CACNA1G: variants seen among roughly 807,000 people sequenced by gnomAD.
CACNA1G encodes the protein calcium voltage-gated channel subunit alpha1 G.
In CACNA1G, 67 loss-of-function variants were observed where a neutral mutation model predicts 219.4. That is an observed-to-expected ratio of 0.31 (90% CI 0.25 to 0.37). CACNA1G has a LOEUF of 0.37. Among genes scored for constraint, CACNA1G ranks in the 10% least tolerant of loss-of-function variants. CACNA1G has a pLI of 1.00. For synonymous variants in CACNA1G, 1,296 were observed against 1,345.3 expected, an observed-to-expected ratio of 0.96 and a Z score of 0.80; for missense variants, 2,380 against 3,231.4, an observed-to-expected ratio of 0.74 and a Z score of 6.39.
At chr17:50,572,522 G>C (rs374428292) in intron 5 of CACNA1G, 32 bp from the exon 6 acceptor site, 1 of 1,498,954 alleles carries the variant, frequency 6.7e-7, no homozygotes, top group Non-Finnish European at 8.9e-7. Flanking sequence ...CCACTCCCCA[G>C]TCTCACCCCT....
In CACNA1G at chr17:50,623,971, GC is replaced by G; in HGVS notation, c.6127del (p.Arg2043GlufsTer94). On this transcript the variant is annotated frameshift_variant, in exon 36 of 38. Transcript: ENST00000359106. LOFTEE classifies it high-confidence loss of function. ...DLLTVRKSGV[S>X]RTHSLPNDSY... ...CTGACTGTGCGGAAGTCTGGGGTCA[GC>G]CGAACGCACTCTCTGCCCAATGACA... 6.2e-7 allele frequency: 1 copy of G among 1,613,358 alleles called. No individual in the cohort carries two copies. Among genetic ancestry groups the G allele is most frequent in the Non-Finnish European group, 8.5e-7 (1 of 1,179,862 alleles).
intron 7 of CACNA1G, 173 bp downstream of exon 7, chr17:50,573,286 A>G (rs984006622): frequency 4.2e-5 from 25 of 600,624 alleles, no homozygotes; most frequent in Admixed American, 1.0e-4. Context: ...GTCAGGAGGA[A>G]ATCCAAGGTC....
At chr17:50,572,940 G>A (rs990142002) in intron 6 of CACNA1G, 81 bp from the exon 7 acceptor site, 6 of 1,572,328 alleles carry the variant, frequency 3.8e-6, no homozygotes. Context: ...CTCAGGGTTG[G>A]GGTGGGGGTC....
intron 1 of CACNA1G, among the ~76,000 whole-genome samples, chr17:50,564,333 C>T (rs755946590): frequency 4.0e-5 from 6 of 151,872 alleles, no homozygotes; most frequent in Non-Finnish European, 5.9e-5. Flanking sequence ...GGAGTTCCTC[C>T]GCATTCCCTC....
At position 50,592,062 on chromosome 17, in the gene CACNA1G, C is replaced by T. The variant is rs1375765527; in HGVS notation, c.2880C>T (p.Val960=). The T allele has an allele frequency of 1.9e-6, 3 of 1,613,844 alleles. No homozygotes were observed. The highest frequency in any genetic ancestry group is 1.1e-5 in the South Asian group (1 of 91,046). The change falls in exon 13 of 38, where the codon GTC becomes GTT. Residue 960 remains valine, a synonymous_variant. Coordinates refer to ENST00000359106, the MANE Select transcript of CACNA1G (RefSeq NM_018896.5). ...ACTACGTGCTCTTCAATTTGCTGGT[C>T]GCCATTCTGGTGGAGGGCTTCCAGG... ...FGNYVLFNLL[V]AILVEGFQAE...
In CACNA1G at chr17:50,567,025, G is replaced by A. The variant is rs566094192; in HGVS notation, c.243-1845G>A. ...GAGGAGAGGAGGGGACCTGCATGGG[G>A]AAAGCAGACCAGTTCTTGAGGGTAA... On this transcript the variant is annotated intron_variant, in intron 1 of 37. Coordinates refer to ENST00000359106, the MANE Select transcript of CACNA1G (RefSeq NM_018896.5). 3.9e-5 allele frequency among the ~76,000 whole-genome samples: 6 copies of A among 152,330 alleles called. No individual in the cohort carries two copies. The South Asian group carries it at 1.2e-3, about 32-fold the overall frequency.
rs1415043458 is a variant in CACNA1G, at chr17:50,561,382, G to C, written c.-78G>C. Reference sequence around the variant, plus strand: ...CAGATGTGCCCCCGCCGGGGCCCCCGGGTTGCGTGAGGACACCTCCTCTGA... The same window carrying C: ...CAGATGTGCCCCCGCCGGGGCCCCCCGGTTGCGTGAGGACACCTCCTCTGA... On this transcript the variant is annotated 5_prime_UTR_variant, in exon 1 of 38. Coordinates refer to ENST00000359106, the MANE Select transcript of CACNA1G (RefSeq NM_018896.5). The C allele has an allele frequency of 7.9e-6, 12 of 1,526,752 alleles. No individual in the cohort carries two copies. In the East Asian group the frequency reaches 2.7e-4, roughly 34 times the overall value. The allele number at this position is 1,526,752 out of a possible 1,614,324, so 94.6% of individuals were successfully genotyped here.
chr17:50,624,515 C>T lies in CACNA1G; in HGVS notation c.6385C>T (p.Pro2129Ser). 6.3e-7 allele frequency: 1 copy of T among 1,592,942 alleles called. No homozygotes were observed. The highest frequency in any genetic ancestry group is 8.5e-7 in the Non-Finnish European group (1 of 1,169,890). ...AGGACGCTCCCCTTTGGCTCAGAGG[C>T]CACTCAGGCGCCAGGTGAGCAGATG... The part of the protein sequence containing the change: ...PPGRSPLAQR[P>S]LRRQAAIRTD... Residue 2129 changes from proline to serine, a missense_variant, in exon 37 of 38, where the codon CCA becomes TCA. Physicochemically the swap from Pro to Ser is moderately conservative, Grantham distance 74. Coordinates refer to ENST00000359106, the MANE Select transcript of CACNA1G (RefSeq NM_018896.5).
chr17:50,580,266 T>G (rs1221172501), intron 9 of CACNA1G, among the ~76,000 whole-genome samples: 1 of 152,098 alleles, frequency 6.6e-6, no homozygotes, highest in East Asian at 1.9e-4. Context: ...TTGGTGGCAG[T>G]GGGGGGTGGG....
chr17:50,594,913 C>A, intron 13 of CACNA1G, 80 bp from the exon 14 acceptor site: 1 of 1,077,610 alleles, frequency 9.3e-7, no homozygotes, highest in Non-Finnish European at 1.4e-6. Context: ...TTTCTTCATC[C>A]TCTCTCGACA....
Position 50,591,796 on chromosome 17 carries a change from C to A in CACNA1G, c.2697C>A (p.Thr899=). The change falls in exon 12 of 38, where the codon ACC becomes ACA. Residue 899 remains threonine, a synonymous_variant. Transcript: ENST00000359106. ...CKFASERDGD[T]LPDRKNFDSL... ...TTGCCTCTGAGCGGGATGGGGACAC[C>A]CTGCCAGACCGGAAGAATTTTGACT... 6.2e-7 allele frequency: 1 copy of A among 1,613,924 alleles called. No individual in the cohort carries two copies. Among genetic ancestry groups the A allele is most frequent in the African/African-American group, 1.3e-5 (1 of 75,022 alleles).
At chr17:50,576,551 A>G (rs193148103) in intron 8 of CACNA1G, among the ~76,000 whole-genome samples, 9 of 152,360 alleles carry the variant, frequency 5.9e-5, no homozygotes, top group Non-Finnish European at 1.2e-4. Flanking sequence ...AGTAACTATC[A>G]TGTAATAAGC....
rs553523403 is a variant in CACNA1G at position 50,626,975 on chromosome 17, G to A, written c.*224G>A. ...CAGGCAGAAGGAGAGGCCCGGTGCA[G>A]CTGAGGTTCCCGACACCAGAAGCTG... is the stretch of plus-strand genomic sequence containing the variant. On this transcript the variant is annotated 3_prime_UTR_variant, in exon 38 of 38. Coordinates refer to ENST00000359106, the MANE Select transcript of CACNA1G (RefSeq NM_018896.5). This position sits in a 1 kb window ranked among gnomAD's most constrained non-coding sequence, Gnocchi z 4.3. The A allele has an allele frequency of 2.9e-6, 2 of 694,144 alleles. No homozygotes were observed. The highest frequency in any genetic ancestry group is 3.0e-5 in the South Asian group (2 of 67,310). 43.0% of individuals were successfully genotyped at this position (694,144 alleles called of 1,614,324 possible).
Position 50,569,711 on chromosome 17 carries a change from T to C in CACNA1G, c.494T>C (p.Leu165Pro). ...CTTTGGGCCCCTCCCTGCAGGATGCTGGAGTACTCGCTGGACCTGCAGAAC... is the reference window on the plus strand; with the variant it reads ...CTTTGGGCCCCTCCCTGCAGGATGCCGGAGTACTCGCTGGACCTGCAGAAC... ...LDFFIVIAGM[L>P]EYSLDLQNVS... Residue 165 changes from leucine (L) to proline (P), a missense_variant, in exon 4 of 38, where the codon CTG becomes CCG. By Grantham distance (98) the Leu-to-Pro change is moderately conservative. Coordinates refer to ENST00000359106, the MANE Select transcript of CACNA1G (RefSeq NM_018896.5). The C allele has an allele frequency of 6.5e-7, 1 of 1,550,124 alleles. No homozygotes were observed. The highest frequency in any genetic ancestry group is 2.4e-5 in the East Asian group (1 of 40,914).
At chr17:50,602,686 A>C in intron 19 of CACNA1G, 134 bp from the exon 20 acceptor site, 1 of 723,642 alleles carries the variant, frequency 1.4e-6, no homozygotes, top group Non-Finnish European at 2.4e-6. Context: ...GGCGTGATCT[A>C]CATTGTTGTG....
At position 50,617,881 on chromosome 17, in the gene CACNA1G, T is replaced by C; in HGVS notation, c.5178T>C (p.Ala1726=). 6.2e-7 allele frequency: 1 copy of C among 1,613,688 alleles called. No individual in the cohort carries two copies. The highest frequency in any genetic ancestry group is 8.5e-7 in the Non-Finnish European group (1 of 1,179,880). ...IARVLKLLKM[A]VGMRALLDTV... is the part of the protein sequence containing the mutation. ...CAGTGCTGAAGCTGCTGAAGATGGC[T>C]GTGGGCATGCGGGCGCTGCTGGACA... The change falls in exon 30 of 38, where the codon GCT becomes GCC. Residue 1726 remains alanine (A), a synonymous_variant. Coordinates refer to ENST00000359106, the MANE Select transcript of CACNA1G (RefSeq NM_018896.5). The surrounding 1 kb of genome is among the most constrained non-coding windows in gnomAD (Gnocchi z 5.8).
chr17:50,589,894 TTC>T (rs35679930), intron 9 of CACNA1G, among the ~76,000 whole-genome samples: 16 of 138,886 alleles, frequency 1.2e-4, no homozygotes, highest in African/African-American at 2.0e-4. Flanking sequence ...GCGTGCATTT[TTC>T]TCTCTCTCTC....
chr17:50,625,392 A>T (rs1344502805), intron 37 of CACNA1G, among the ~76,000 whole-genome samples: 1 of 152,242 alleles, frequency 6.6e-6, no homozygotes, highest in Non-Finnish European at 1.5e-5. Flanking sequence ...GTCACTAAGC[A>T]GCCTCTGTGT....
intron 19 of CACNA1G, among the ~76,000 whole-genome samples, 160 bp downstream of exon 19, chr17:50,601,334 C>T (rs1358880710): frequency 1.3e-5 from 2 of 152,228 alleles, no homozygotes; most frequent in African/African-American, 2.4e-5. Flanking sequence ...TCCTGGTCCC[C>T]GGGATGCCCC....
Sources: allele counts gnomAD v4.1 joint callset (sites outside exome capture counted in the v4.1 genomes callset), GRCh38; gene constraint gnomAD v4.1.1; non-coding constraint Gnocchi (gnomAD v3.1); transcripts MANE v1.5; gene names NCBI Gene and HGNC (gene_info 2026-07-23, HGNC 2026-07-21).